Variants in TFCP2L1 observed in about 807,000 individuals in gnomAD.
TFCP2L1 encodes transcription factor CP2 like 1.
TFCP2L1 carries 12 observed loss-of-function variants against 72.2 expected under a neutral mutation model. The observed-to-expected ratio is 0.17, with a 90% CI of 0.11 to 0.27. The LOEUF is 0.27. Among genes scored for constraint, TFCP2L1 ranks in the 10% least tolerant of loss-of-function variants. TFCP2L1 has a pLI of 1.00. For missense variants in TFCP2L1, 488 were observed against 624.6 expected, an observed-to-expected ratio of 0.78 and a Z score of 2.33; for synonymous variants, 260 against 251.0, an observed-to-expected ratio of 1.04 and a Z score of -0.34.
At chr2:121,268,623 A>G (rs1464944505) in intron 2 of TFCP2L1, among the ~76,000 whole-genome samples, 1 of 152,018 alleles carries the variant, frequency 6.6e-6, no homozygotes, top group Non-Finnish European at 1.5e-5. Flanking sequence ...GGTAAGTGTT[A>G]TGCCTATTTT....
chr2:121,234,204 G>A lies in TFCP2L1; in HGVS notation c.1095-10C>T, dbSNP rs1360555526. 6.2e-7 allele frequency: 1 copy of A among 1,613,270 alleles called. No homozygotes were observed. The highest frequency in any genetic ancestry group is 1.7e-5 in the Admixed American group (1 of 60,028). ...CTTTGGCCTCACATTCCTGGCAGGA[G>A]AAGAGAAAATAAATAATAGGTGTGG... On this transcript the variant is annotated splice_polypyrimidine_tract_variant and intron_variant, in intron 11 of 14. Transcript: ENST00000263707.
In TFCP2L1 at chr2:121,269,918, A is replaced by AT. The variant is rs1553435191; in HGVS notation, c.214+11201_214+11202insA. ...AGCAAGACTCCATCTAAAAAAAAAA[A>AT]ATATATATATATATATATGCAAAAG... On this transcript the variant is annotated intron_variant, in intron 2 of 14. Coordinates refer to ENST00000263707, the MANE Select transcript of TFCP2L1 (RefSeq NM_014553.3). Among the ~76,000 whole-genome samples the AT allele has an allele frequency of 5.2e-4, 60 of 115,180 alleles. 1 individual carries two copies. The highest frequency in any genetic ancestry group is 8.4e-3 in the Middle Eastern group (2 of 238). The allele number at this position is 115,180 out of a possible 152,430, so 75.6% of individuals were successfully genotyped here. A position where few individuals can be genotyped will look rare whatever the true frequency, so the allele number is the denominator to read the frequency against.
intron 2 of TFCP2L1, among the ~76,000 whole-genome samples, chr2:121,278,227 G>A (rs1328287438): frequency 2.0e-5 from 3 of 147,096 alleles, no homozygotes; most frequent in Admixed American, 2.0e-4. Flanking sequence ...TAGTAGAGAC[G>A]GGGTTTCACC....
rs4848698 is a variant in TFCP2L1, at chr2:121,222,889, C to T, written c.*1452G>A. ...CTCACTCTGTTCTGTAGGAATGCCA[C>T]GGCTATTACCCAACATAATGACTAA... On this transcript the variant is annotated 3_prime_UTR_variant, in exon 15 of 15. Coordinates refer to ENST00000263707, the MANE Select transcript of TFCP2L1 (RefSeq NM_014553.3). 0.72 allele frequency: 109,505 copies of T among 152,042 alleles called. 40,996 individuals are homozygous for T. Among genetic ancestry groups the T allele is most frequent in the South Asian group, 0.84 (4,035 of 4,810 alleles). 9.4% of individuals were successfully genotyped at this position (152,042 alleles called of 1,614,324 possible).
chr2:121,281,017 G>C, intron 2 of TFCP2L1, 103 bp downstream of exon 2: 8 of 1,506,230 alleles, frequency 5.3e-6, no homozygotes, highest in Non-Finnish European at 7.2e-6. Flanking sequence ...GACCTCGCCC[G>C]ACCTCACCCA....
rs745697393 is a variant in TFCP2L1, at chr2:121,281,104, G to A, written c.214+16C>T. ...ACTTCTGGGTTCCGCCCTGGCCCGG[G>A]GCCTCTGGCCACTACCTTGGTTGAG... On this transcript the variant is annotated intron_variant, in intron 2 of 14. Coordinates refer to ENST00000263707, the MANE Select transcript of TFCP2L1 (RefSeq NM_014553.3). 6.8e-6 allele frequency: 11 copies of A among 1,613,828 alleles called. No homozygotes were observed. In the South Asian group the frequency reaches 1.1e-4, roughly 16 times the overall value.
At chr2:121,226,828 G>C (rs1339226348) in intron 13 of TFCP2L1, among the ~76,000 whole-genome samples, 1 of 152,158 alleles carries the variant, frequency 6.6e-6, no homozygotes, top group Non-Finnish European at 1.5e-5. Flanking sequence ...ACTGTTCATG[G>C]GACCCAGTAA....
intron 13 of TFCP2L1, among the ~76,000 whole-genome samples, chr2:121,230,722 G>A (rs1351181488): frequency 6.6e-6 from 1 of 152,098 alleles, no homozygotes; most frequent in Non-Finnish European, 1.5e-5. Flanking sequence ...GCAGTAAGCT[G>A]AGATCACACC....
intron 11 of TFCP2L1, 137 bp downstream of exon 11, chr2:121,235,084 A>T: frequency 1.2e-6 from 1 of 838,794 alleles, no homozygotes; most frequent in Non-Finnish European, 1.9e-6. Flanking sequence ...ATTTCCTCCT[A>T]CACTTGACCC....
Position 121,248,991 on chromosome 2 carries a change from G to C in TFCP2L1, c.388C>G (p.Leu130Val), listed in dbSNP as rs1213229610. Residue 130 changes from leucine (L) to valine (V), a missense_variant, in exon 4 of 15, where the codon CTG (leucine) becomes GTG (valine). Coordinates refer to ENST00000263707, the MANE Select transcript of TFCP2L1 (RefSeq NM_014553.3). ...TGGCCAGGAGACTCACCGATGTCCA[G>C]GATCCGGTCCCCTGGCCGACTCCAC... is the stretch of plus-strand genomic sequence containing the variant. Reference protein sequence around the residue: ...WRWSRPGDRILDIDIPLSVGI... With the variant: ...WRWSRPGDRIVDIDIPLSVGI... 6 of 1,598,078 alleles carry C rather than the reference G, an allele frequency of 3.8e-6. No individual in the cohort carries two copies. The Admixed American group carries it at 5.2e-5, about 14-fold the overall frequency.
At chr2:121,264,906 T>C (rs187898305) in intron 2 of TFCP2L1, among the ~76,000 whole-genome samples, 26 of 152,162 alleles carry the variant, frequency 1.7e-4, no homozygotes, top group South Asian at 4.1e-4. Context: ...TGTAAAATAG[T>C]ATAGCTGCTT....
intron 4 of TFCP2L1, 129 bp downstream of exon 4, chr2:121,248,853 G>A (rs764732182): frequency 2.1e-5 from 12 of 576,738 alleles, no homozygotes; most frequent in African/African-American, 5.8e-5. Context: ...AAGCTCCCGC[G>A]GGGTTTTACA....
Position 121,221,912 on chromosome 2 carries a change from A to C in TFCP2L1, c.*2429T>G, listed in dbSNP as rs529995743. The C allele has an allele frequency of 6.6e-6, 1 of 152,176 alleles. No homozygotes were observed. The highest frequency in any genetic ancestry group is 2.4e-5 in the African/African-American group (1 of 41,452). 9.4% of individuals were successfully genotyped at this position (152,176 alleles called of 1,614,324 possible). A position where few individuals can be genotyped will look rare whatever the true frequency, so the allele number is the denominator to read the frequency against. The stretch of plus-strand genomic sequence containing the variant: ...TAGCTCACCCAACTCAATAATAAAA[A>C]GAAGGCTCATCCCTGGTAGTCTAGT... On this transcript the variant is annotated 3_prime_UTR_variant, in exon 15 of 15. Coordinates refer to ENST00000263707, the MANE Select transcript of TFCP2L1 (RefSeq NM_014553.3).
chr2:121,230,934 A>T (rs1052963478), intron 13 of TFCP2L1, among the ~76,000 whole-genome samples: 54 of 152,270 alleles, frequency 3.5e-4, no homozygotes, highest in African/African-American at 1.3e-3. Flanking sequence ...TAAAAATTTT[A>T]AAATAAATAA....
At chr2:121,275,028 C>T (rs1269148382) in intron 2 of TFCP2L1, among the ~76,000 whole-genome samples, 1 of 151,944 alleles carries the variant, frequency 6.6e-6, no homozygotes, top group Non-Finnish European at 1.5e-5. Flanking sequence ...AACAATTACA[C>T]TGTATATTTT....
Position 121,242,381 on chromosome 2 carries a change from T to C in TFCP2L1, c.746A>G (p.Tyr249Cys), listed in dbSNP as rs200835233. The change falls in exon 7 of 15, where the codon TAT (tyrosine) becomes TGT (cysteine). Residue 249 changes from tyrosine (Y) to cysteine (C), a missense_variant. Tyr to Cys is a radical substitution (Grantham distance 194, BLOSUM62 -2). Transcript: ENST00000263707. ...AQEKEKYQPSYETTILTECSP... is the reference protein window; with the variant it reads ...AQEKEKYQPSCETTILTECSP... ...CACCTCTGTGAGGATGGTGGTTTCA[T>C]AGGACGGCTGGTATTTCTCCTTCTC... 3.3e-5 allele frequency: 53 copies of C among 1,614,218 alleles called. No homozygotes were observed. The East Asian group carries it at 8.9e-4, about 27-fold the overall frequency.
intron 11 of TFCP2L1, among the ~76,000 whole-genome samples, chr2:121,234,607 G>A (rs75939676): frequency 0.024 from 3,689 of 152,290 alleles, 135 homozygotes; most frequent in African/African-American, 0.08. Flanking sequence ...GCACCTAAGA[G>A]GCAGATCTGG....
At chr2:121,253,846 C>T (rs1455874565) in intron 2 of TFCP2L1, among the ~76,000 whole-genome samples, 1 of 152,196 alleles carries the variant, frequency 6.6e-6, no homozygotes, top group African/African-American at 2.4e-5. Context: ...TCCTTTCTAG[C>T]CATGCAGATG....
chr2:121,259,919 C>G (rs550240661), intron 2 of TFCP2L1, among the ~76,000 whole-genome samples: 1 of 152,194 alleles, frequency 6.6e-6, no homozygotes, highest in Non-Finnish European at 1.5e-5. Flanking sequence ...GTCCTCCACA[C>G]TGTTCCAAGT....
Sources: allele counts gnomAD v4.1 joint callset (sites outside exome capture counted in the v4.1 genomes callset), GRCh38; gene constraint gnomAD v4.1.1; transcripts MANE v1.5; gene names NCBI Gene and HGNC (gene_info 2026-07-23, HGNC 2026-07-21).